Variants in MFSD11 observed in about 807,000 individuals in gnomAD.
MFSD11 encodes major facilitator superfamily domain containing 11, also known as UNC93-like protein MFSD11.
MFSD11 carries 36 observed loss-of-function variants against 53.5 expected under a neutral mutation model. That is an observed-to-expected ratio of 0.67 (90% CI 0.52 to 0.89). The LOEUF is 0.89. Ranked by LOEUF, MFSD11 falls within the 40% of genes least tolerant of loss-of-function variation. The pLI is 0.00. For synonymous variants in MFSD11, 186 were observed against 184.9 expected (o/e 1.01, Z -0.05); for missense variants, 530 against 543.9 (o/e 0.97, Z 0.25).
At chr17:76,757,247 A>T (rs766653990) in intron 8 of MFSD11, among the ~76,000 whole-genome samples, 2 of 152,236 alleles carry the variant, frequency 1.3e-5, no homozygotes, top group Non-Finnish European at 1.5e-5. Context: ...TTTGGGCCAC[A>T]TGCTTTGCAT....
In MFSD11 at chr17:76,744,465, G is replaced by A. The variant is rs765041697; in HGVS notation, c.640G>A (p.Glu214Lys). The change falls in exon 7 of 13, where the codon GAG (glutamate) becomes AAG (lysine). Residue 214 changes from glutamate to lysine, a missense_variant and splice_region_variant. Coordinates refer to ENST00000685175, the MANE Select transcript of MFSD11 (RefSeq NM_001242532.5). Reference sequence around the variant, plus strand: ...TGATGACCAGGACATGGAAGTCAACGAGTAAGATGTTGGAAACATTCTATT... The same window carrying A: ...TGATGACCAGGACATGGAAGTCAACAAGTAAGATGTTGGAAACATTCTATT... Reference protein sequence around the residue: ...SSDDQDMEVNESAQNNLTKAV... With the variant: ...SSDDQDMEVNKSAQNNLTKAV... 2.5e-6 allele frequency: 4 copies of A among 1,606,042 alleles called. No homozygotes were observed. The highest frequency in any genetic ancestry group is 2.5e-6 in the Non-Finnish European group (3 of 1,177,854).
the MFSD11 span, among the ~76,000 whole-genome samples, chr17:76,799,699 C>G: frequency 6.6e-6 from 1 of 152,056 alleles, no homozygotes; most frequent in African/African-American, 2.4e-5. Context: ...TATCGCAGAA[C>G]CACACCTCTG....
At chr17:76,763,543 C>T (rs998155600) in intron 8 of MFSD11, among the ~76,000 whole-genome samples, 35 of 152,112 alleles carry the variant, frequency 2.3e-4, no homozygotes, top group African/African-American at 7.0e-4. Flanking sequence ...GGATTACAGG[C>T]GTGAGCCACC....
intron 7 of MFSD11, among the ~76,000 whole-genome samples, chr17:76,749,459 G>A (rs1008972411): frequency 2.0e-5 from 3 of 151,808 alleles, no homozygotes; most frequent in Admixed American, 2.0e-4. Context: ...CGCCCAGGAC[G>A]CGGAGGTTGC....
At chr17:76,768,018 T>G (rs1324699608) in intron 9 of MFSD11, among the ~76,000 whole-genome samples, 1 of 152,156 alleles carries the variant, frequency 6.6e-6, no homozygotes, top group Non-Finnish European at 1.5e-5. Flanking sequence ...TAAAATCATT[T>G]CTGGACAGGT....
intron 5 of MFSD11, 110 bp downstream of exon 5, chr17:76,742,383 G>T: frequency 1.2e-6 from 1 of 857,004 alleles, no homozygotes; most frequent in Non-Finnish European, 1.8e-6. Flanking sequence ...CGTGACTTAA[G>T]TTCTAGCTAA....
At chr17:76,792,954 A>G in the MFSD11 span, among the ~76,000 whole-genome samples, 10 of 151,478 alleles carry the variant, frequency 6.6e-5, 1 homozygote, top group Non-Finnish European at 1.0e-4. Flanking sequence ...CAAAACCAGC[A>G]AGTTTTTATT....
upstream of MFSD11, chr17:76,737,272 A>G: frequency 7.1e-6 from 10 of 1,400,944 alleles, no homozygotes; most frequent in Non-Finnish European, 9.5e-6. Context: ...ACACTGGGAA[A>G]GGCCTTGCCG....
At chr17:76,789,759 T>G in the MFSD11 span, among the ~76,000 whole-genome samples, 1 of 150,026 alleles carries the variant, frequency 6.7e-6, no homozygotes, top group Non-Finnish European at 1.5e-5. Flanking sequence ...AACTTCTGTC[T>G]CCCTAAATGT....
At chr17:76,759,271 T>G (rs2079954871) in intron 8 of MFSD11, among the ~76,000 whole-genome samples, 1 of 151,394 alleles carries the variant, frequency 6.6e-6, no homozygotes, top group Admixed American at 6.6e-5. Flanking sequence ...TAAAATACAA[T>G]AAAATATATT....
At chr17:76,743,194 G>C (rs1345149981) in intron 5 of MFSD11, among the ~76,000 whole-genome samples, 1 of 152,176 alleles carries the variant, frequency 6.6e-6, no homozygotes, top group Non-Finnish European at 1.5e-5. Context: ...CATGGAAGGA[G>C]ACTGAATTCC....
the MFSD11 span, chr17:76,799,247 T>G: frequency 6.6e-6 from 1 of 151,854 alleles, no homozygotes; most frequent in African/African-American, 2.4e-5. Flanking sequence ...CCCAAGTAGC[T>G]GGGATTATAG....
intron 7 of MFSD11, among the ~76,000 whole-genome samples, chr17:76,750,193 T>C (rs1442206747): frequency 6.6e-6 from 1 of 152,054 alleles, no homozygotes; most frequent in Non-Finnish European, 1.5e-5. Context: ...AATTGGGGCC[T>C]GAAGGGTAAA....
chr17:76,743,960 A>C (rs2078322840), intron 6 of MFSD11, among the ~76,000 whole-genome samples: 1 of 152,158 alleles, frequency 6.6e-6, no homozygotes, highest in Admixed American at 6.6e-5. Context: ...ACTATGCTTT[A>C]AGGGGCTTCT....
chr17:76,777,176 G>A (rs539140318), intron 12 of MFSD11, among the ~76,000 whole-genome samples: 1 of 151,848 alleles, frequency 6.6e-6, no homozygotes, highest in South Asian at 2.1e-4. Context: ...GCTGAGGCAG[G>A]AGAATGGTGT....
intron 8 of MFSD11, among the ~76,000 whole-genome samples, chr17:76,756,301 T>G (rs1473931298): frequency 6.6e-6 from 1 of 150,946 alleles, no homozygotes; most frequent in Non-Finnish European, 1.5e-5. Context: ...TTTTGCATTT[T>G]TTAGTAGAGA....
downstream of MFSD11, among the ~76,000 whole-genome samples, chr17:76,785,428 C>A (rs781361457): frequency 1.1e-4 from 17 of 152,306 alleles, no homozygotes; most frequent in Non-Finnish European, 2.4e-4. Context: ...CCTCCAACTC[C>A]TGGCCTCAAG....
chr17:76,769,610 G>T, intron 9 of MFSD11, 136 bp from the exon 10 acceptor site: 1 of 611,224 alleles, frequency 1.6e-6, no homozygotes, highest in East Asian at 3.0e-5. Context: ...TGCTCTGCTT[G>T]GGGATTAATA....
chr17:76,767,302 G>C, intron 8 of MFSD11, 84 bp from the exon 9 acceptor site: 1 of 753,954 alleles, frequency 1.3e-6, no homozygotes, highest in Non-Finnish European at 2.3e-6. Flanking sequence ...ATTGACAAGG[G>C]GTGTTTTGGT....
Sources: gnomAD v4.1 joint callset for allele counts (sites outside exome capture counted in the v4.1 genomes callset) on GRCh38, gnomAD v4.1.1 for gene constraint, MANE v1.5 for transcripts, NCBI Gene and HGNC (gene_info 2026-07-23, HGNC 2026-07-21) for gene names.